Variants in PPM1F observed in about 807,000 individuals in gnomAD.
PPM1F encodes protein phosphatase, Mg2+/Mn2+ dependent 1F.
In PPM1F, 17 loss-of-function variants were observed where a neutral mutation model predicts 35.5. The ratio of observed to expected loss-of-function variants is 0.48; its 90% CI spans 0.33 to 0.72. The LOEUF (loss-of-function observed/expected upper bound fraction) is 0.72, where lower values mean the gene tolerates loss of function less well. PPM1F is among the 30% of genes least tolerant of loss of function. The pLI is 0.02. For synonymous variants in PPM1F, 241 were observed against 255.5 expected, an observed-to-expected ratio of 0.94 and a Z score of 0.54; for missense variants, 521 against 613.0, an observed-to-expected ratio of 0.85 and a Z score of 1.59.
At chr22:21,929,295 C>T (rs2070559919) in intron 6 of PPM1F, among the ~76,000 whole-genome samples, 2 of 152,142 alleles carry the variant, frequency 1.3e-5, no homozygotes, top group African/African-American at 4.8e-5. Context: ...CTCCTTGGCC[C>T]ATGCGGGCTG....
chr22:21,950,927 C>T (rs1380460732), intron 1 of PPM1F: 1 of 152,032 alleles, frequency 6.6e-6, no homozygotes, highest in East Asian at 1.9e-4. Context: ...GCCTGGCCAA[C>T]CTTTTTCTAC....
At position 21,946,175 on chromosome 22, in the gene PPM1F, G is replaced by A. The variant is rs1569132411; in HGVS notation, c.-60-67C>T. 9.7e-6 allele frequency: 7 copies of A among 721,482 alleles called. No individual in the cohort carries two copies. The East Asian group carries it at 1.2e-4, about 13-fold the overall frequency. 44.7% of individuals were successfully genotyped at this position (721,482 alleles called of 1,614,324 possible). ...GCACCAGCAATGCAGGTGCCCACCTGCAAGCACCATGTGGCAGGTGCATGG... is the reference window on the plus strand; with the variant it reads ...GCACCAGCAATGCAGGTGCCCACCTACAAGCACCATGTGGCAGGTGCATGG... On this transcript the variant is annotated intron_variant, in intron 1 of 7. Coordinates refer to ENST00000263212, the MANE Select transcript of PPM1F (RefSeq NM_014634.4).
At chr22:21,925,490 TG>T in intron 7 of PPM1F, 78 bp downstream of exon 7, 1 of 1,262,478 alleles carries the variant, frequency 7.9e-7, no homozygotes, top group Non-Finnish European at 1.1e-6. Flanking sequence ...CCTGAACCCC[TG>T]GTGAGCCGCG....
intron 5 of PPM1F, 84 bp from the exon 6 acceptor site, chr22:21,931,375 G>A: frequency 7.5e-7 from 1 of 1,330,436 alleles, no homozygotes; most frequent in Non-Finnish European, 1.0e-6. Flanking sequence ...GCTTCCGGGG[G>A]TGATGAATAC....
At chr22:21,933,969 C>A in intron 4 of PPM1F, 55 bp downstream of exon 4, 1 of 1,483,634 alleles carries the variant, frequency 6.7e-7, no homozygotes, top group South Asian at 1.3e-5. Context: ...GGGGGGCCCC[C>A]ACCCTCGCCC....
intron 6 of PPM1F, 115 bp from the exon 7 acceptor site, chr22:21,925,777 A>G: frequency 1.3e-6 from 1 of 775,520 alleles, no homozygotes; most frequent in Non-Finnish European, 2.0e-6. Context: ...TCAAAGCCGC[A>G]GCACTGGAAC....
chr22:21,931,147 C>T lies in PPM1F; in HGVS notation c.891+1G>A, dbSNP rs2070584304. 1 of 1,613,986 alleles carries T rather than the reference C, an allele frequency of 6.2e-7. No homozygotes were observed. Among genetic ancestry groups the T allele is most frequent in the Non-Finnish European group, 8.5e-7 (1 of 1,179,968 alleles). ...GGGCCTGGGCGCAGGGATCCCCTTACCTGCCGTTCTGGTCTGTGTGGCTCC... is the reference window on the plus strand; with the variant it reads ...GGGCCTGGGCGCAGGGATCCCCTTATCTGCCGTTCTGGTCTGTGTGGCTCC... On this transcript the variant is annotated splice_donor_variant, in intron 6 of 7. Transcript: ENST00000263212. LOFTEE classifies it high-confidence loss of function.
At chr22:21,926,899 G>A (rs941018736) in intron 6 of PPM1F, among the ~76,000 whole-genome samples, 11 of 152,218 alleles carry the variant, frequency 7.2e-5, no homozygotes, top group African/African-American at 2.7e-4. Context: ...GCCTGGGGGA[G>A]GCAGCCCTCT....
chr22:21,923,188 C>G lies in PPM1F; in HGVS notation c.1269G>C (p.Gly423=). Residue 423 remains glycine, a synonymous_variant, in exon 8 of 8, where the codon GGG becomes GGC. Transcript: ENST00000263212. ...CCTGGGGGTCCCCTTCTCCCTGGTT[C>G]CCGCCCTCCAGCAGCTCTTGGGGGT... ...LRDPQELLEG[G]NQGEGDPQAE... 6.2e-7 allele frequency: 1 copy of G among 1,613,662 alleles called. No homozygotes were observed. Among genetic ancestry groups the G allele is most frequent in the African/African-American group, 1.3e-5 (1 of 75,020 alleles).
chr22:21,926,251 C>T (rs190308993), intron 6 of PPM1F, among the ~76,000 whole-genome samples: 259 of 151,900 alleles, frequency 1.7e-3, no homozygotes, highest in African/African-American at 6.0e-3. Context: ...CCTGCCTCAG[C>T]CTCCTGAGTA....
At chr22:21,932,708 T>C (rs1421827336) in intron 5 of PPM1F, 1 of 152,234 alleles carries the variant, frequency 6.6e-6, no homozygotes, top group Non-Finnish European at 1.5e-5. Context: ...GCCTCATCCC[T>C]GCACATGGCT....
At chr22:21,942,497 A>C (rs371604186) in intron 2 of PPM1F, 2 of 152,322 alleles carry the variant, frequency 1.3e-5, no homozygotes, top group African/African-American at 4.8e-5. Flanking sequence ...CTGCCTTTGA[A>C]AAACAACCAG....
Position 21,920,633 on chromosome 22 carries a change from G to A in PPM1F, c.*2459C>T, listed in dbSNP as rs2073415. The A allele has an allele frequency of 0.043, 6,538 of 152,466 alleles. 325 individuals carry two copies. The highest frequency in any genetic ancestry group is 0.22 in the East Asian group (1,162 of 5,176). The allele number at this position is 152,466 out of a possible 1,614,324, so 9.4% of individuals were successfully genotyped here. ...GCACGGGGCATGGCCATCCTCTGGG[G>A]TCCTGGCTCAGGGGTGGGGAGCGGC... On this transcript the variant is annotated 3_prime_UTR_variant, in exon 8 of 8. Transcript: ENST00000263212.
At chr22:21,924,354 A>G (rs56094396) in intron 7 of PPM1F, among the ~76,000 whole-genome samples, 59,207 of 149,124 alleles carry the variant, frequency 0.4, 11,971 homozygotes, top group Middle Eastern at 0.5. Flanking sequence ...CGCAACCTCC[A>G]CCTCCAGGGT....
chr22:21,930,265 G>A (rs1218512340), intron 6 of PPM1F, among the ~76,000 whole-genome samples: 3 of 152,222 alleles, frequency 2.0e-5, no homozygotes, highest in Non-Finnish European at 4.4e-5. Context: ...AGCCCAGGCT[G>A]GCATGGCCTG....
Position 21,923,189 on chromosome 22 carries a change from C to T in PPM1F, c.1268G>A (p.Gly423Glu). 1 of 1,613,688 alleles carries T rather than the reference C, an allele frequency of 6.2e-7. No homozygotes were observed. The highest frequency in any genetic ancestry group is 8.5e-7 in the Non-Finnish European group (1 of 1,179,972). The change falls in exon 8 of 8, where the codon GGG becomes GAG. Residue 423 changes from glycine (G) to glutamate (E), a missense_variant. Physicochemically the swap from Gly to Glu is moderately conservative, Grantham distance 98. Around this residue, in one of 3 missense-constraint regions of PPM1F, gnomAD observed 163 missense variants for 169.6 expected, o/e 0.96. Transcript: ENST00000263212. ...LRDPQELLEG[G>E]NQGEGDPQAE... ...CTGGGGGTCCCCTTCTCCCTGGTTCCCGCCCTCCAGCAGCTCTTGGGGGTC... is the reference window on the plus strand; with the variant it reads ...CTGGGGGTCCCCTTCTCCCTGGTTCTCGCCCTCCAGCAGCTCTTGGGGGTC...
intron 7 of PPM1F, 58 bp downstream of exon 7, chr22:21,925,511 C>CTCGG (rs777608362): frequency 6.6e-7 from 1 of 1,514,428 alleles, no homozygotes; most frequent in Non-Finnish European, 9.1e-7. Flanking sequence ...GGGCCACACT[C>CTCGG]GAGGCCTGGG....
intron 3 of PPM1F, chr22:21,936,363 T>C (rs1303111760): frequency 2.0e-5 from 3 of 151,986 alleles, no homozygotes; most frequent in Non-Finnish European, 4.4e-5. Context: ...GGCCTGCACG[T>C]GGCAGTTCCA....
At chr22:21,926,658 C>T (rs1265801454) in intron 6 of PPM1F, among the ~76,000 whole-genome samples, 3 of 152,156 alleles carry the variant, frequency 2.0e-5, no homozygotes, top group Admixed American at 6.5e-5. Context: ...GACAGAGTGA[C>T]GGAGGCACCC....
Sources: gnomAD v4.1 joint callset for allele counts (sites outside exome capture counted in the v4.1 genomes callset) on GRCh38, gnomAD v4.1.1 for gene constraint, gnomAD v4.1.1 regional missense constraint, MANE v1.5 for transcripts, NCBI Gene and HGNC (gene_info 2026-07-23, HGNC 2026-07-21) for gene names.